The following XKR4 variants were observed in gnomAD, a reference collection of about 807,000 sequenced individuals.
XKR4 encodes the protein XK related 4.
XKR4 carries 12 observed loss-of-function variants against 53.9 expected under a neutral mutation model. The ratio of observed to expected loss-of-function variants is 0.22; its 90% CI spans 0.14 to 0.36. The LOEUF (loss-of-function observed/expected upper bound fraction) is 0.36. Among genes scored for constraint, XKR4 ranks in the 10% least tolerant of loss-of-function variants. XKR4 has a pLI of 1.00. For synonymous variants in XKR4, 354 were observed against 362.4 expected, an observed-to-expected ratio of 0.98 and a Z score of 0.26; for missense variants, 799 against 859.5, an observed-to-expected ratio of 0.93 and a Z score of 0.88.
Position 55,528,494 on chromosome 8 carries a change from GA to G in XKR4, c.*4268del, listed in dbSNP as rs1394727571. The G allele has an allele frequency of 6.6e-6, 1 of 152,164 alleles. No individual in the cohort carries two copies. The highest frequency in any genetic ancestry group is 1.5e-5 in the Non-Finnish European group (1 of 68,022). The allele number at this position is 152,164 out of a possible 1,614,324, so 9.4% of individuals were successfully genotyped here. ...ATTTTTTCTAATGAACCATTTTCTA[GA>G]CTAAATATATGCTCCCTTGCATTTT... is the stretch of plus-strand genomic sequence containing the variant. On this transcript the variant is annotated 3_prime_UTR_variant, in exon 3 of 3. Coordinates refer to ENST00000327381, the MANE Select transcript of XKR4 (RefSeq NM_052898.2).
intron 2 of XKR4, among the ~76,000 whole-genome samples, chr8:55,507,501 C>T (rs1806556511): frequency 6.6e-6 from 1 of 152,124 alleles, no homozygotes; most frequent in Non-Finnish European, 1.5e-5. Context: ...TCCCTAACCC[C>T]TCCCCGCACC....
At chr8:55,193,890 ACTCTGCC>A (rs1817474525) in intron 1 of XKR4, among the ~76,000 whole-genome samples, 1 of 151,956 alleles carries the variant, frequency 6.6e-6, no homozygotes, top group African/African-American at 2.4e-5. Context: ...CTACCAGGCC[ACTCTGCC>A]CTCCTGCCTC....
intron 1 of XKR4, among the ~76,000 whole-genome samples, chr8:55,185,598 A>G (rs1379474531): frequency 2.0e-5 from 3 of 152,204 alleles, no homozygotes; most frequent in Non-Finnish European, 1.5e-5. Flanking sequence ...TATGAAAAGC[A>G]GTTGTAAATA....
chr8:55,177,929 A>G (rs1457309205), intron 1 of XKR4, among the ~76,000 whole-genome samples: 1 of 152,154 alleles, frequency 6.6e-6, no homozygotes, highest in Non-Finnish European at 1.5e-5. Context: ...CCAAGGATCA[A>G]TGTCCTGCCA....
At chr8:55,470,762 G>C (rs1014458726) in intron 2 of XKR4, among the ~76,000 whole-genome samples, 3 of 152,030 alleles carry the variant, frequency 2.0e-5, no homozygotes, top group African/African-American at 7.3e-5. Flanking sequence ...ATAATTTATG[G>C]ATCCTTCCTA....
chr8:55,371,432 T>G (rs1804068669), intron 2 of XKR4, among the ~76,000 whole-genome samples: 1 of 152,156 alleles, frequency 6.6e-6, no homozygotes. Context: ...ATATATACTT[T>G]TAAAGTACCA....
rs191939050 is a variant in XKR4, at chr8:55,429,237, C to T, written c.1006+71360C>T. Among the ~76,000 whole-genome samples the T allele has an allele frequency of 7.2e-3, 1,103 of 152,240 alleles. 9 individuals carry two copies. The highest frequency in any genetic ancestry group is 0.011 in the Non-Finnish European group (772 of 68,014). On this transcript the variant is annotated intron_variant, in intron 2 of 2. Coordinates refer to ENST00000327381, the MANE Select transcript of XKR4 (RefSeq NM_052898.2). ...ATTCATAGGCAATAACAAACAAAAA[C>T]CTTCAGCCTAAATCTCACTTCTTAT...
chr8:55,141,859 G>C (rs1816708174), intron 1 of XKR4, among the ~76,000 whole-genome samples: 1 of 152,082 alleles, frequency 6.6e-6, no homozygotes, highest in Non-Finnish European at 1.5e-5. Context: ...GCAGCTCTAA[G>C]GGGCATAGAG....
rs753158816 is a variant in XKR4, at chr8:55,102,929, C to T, written c.441C>T (p.Leu147=). The T allele has an allele frequency of 5.6e-6, 9 of 1,611,664 alleles. No individual in the cohort carries two copies. The highest frequency in any genetic ancestry group is 1.7e-5 in the Admixed American group (1 of 60,000). ...YLRGQRWWFG[L]TLFFVVLGSL... is the part of the protein sequence containing the mutation. ...GCGGCCAGCGCTGGTGGTTCGGGCT[C>T]ACGCTCTTCTTCGTGGTGCTCGGCT... Residue 147 remains leucine, a synonymous_variant, in exon 1 of 3, where the codon CTC becomes CTT. Coordinates refer to ENST00000327381, the MANE Select transcript of XKR4 (RefSeq NM_052898.2). This position sits in a 1 kb window ranked among gnomAD's most constrained non-coding sequence, Gnocchi z 5.1.
At chr8:55,279,410 T>A (rs1818806310) in intron 1 of XKR4, among the ~76,000 whole-genome samples, 1 of 152,212 alleles carries the variant, frequency 6.6e-6, no homozygotes, top group East Asian at 1.9e-4. Context: ...GGCTCCACTC[T>A]CGGCTTGGCA....
At chr8:55,432,907 G>C (rs1805122495) in intron 2 of XKR4, among the ~76,000 whole-genome samples, 1 of 152,170 alleles carries the variant, frequency 6.6e-6, no homozygotes, top group African/African-American at 2.4e-5. Context: ...GCCACCAAAG[G>C]CCTTTCTGAG....
intron 2 of XKR4, among the ~76,000 whole-genome samples, chr8:55,390,737 C>T (rs1234373630): frequency 3.3e-5 from 5 of 152,214 alleles, no homozygotes; most frequent in Non-Finnish European, 7.3e-5. Flanking sequence ...CCCTGAATCA[C>T]CTGGCACTGG....
At chr8:55,462,484 T>C (rs1009797937) in intron 2 of XKR4, among the ~76,000 whole-genome samples, 4 of 152,208 alleles carry the variant, frequency 2.6e-5, no homozygotes, top group African/African-American at 9.6e-5. Flanking sequence ...GCATTAAACA[T>C]GGAAAGGAAC....
intron 1 of XKR4, among the ~76,000 whole-genome samples, chr8:55,274,923 G>T (rs866886947): frequency 2.0e-5 from 3 of 152,120 alleles, no homozygotes; most frequent in Non-Finnish European, 2.9e-5. Context: ...AGTCAAGCAG[G>T]CTCCTTTATC....
intron 2 of XKR4, among the ~76,000 whole-genome samples, chr8:55,387,044 G>A (rs186813555): frequency 3.7e-4 from 56 of 152,242 alleles, no homozygotes; most frequent in African/African-American, 1.2e-3. Context: ...GGCTCTCTTT[G>A]TCTCTTTCCC....
At chr8:55,231,032 C>T (rs919634058) in intron 1 of XKR4, among the ~76,000 whole-genome samples, 2 of 152,136 alleles carry the variant, frequency 1.3e-5, no homozygotes, top group African/African-American at 4.8e-5. Context: ...TCTCTTTGGG[C>T]CTTTCCTTCC....
Position 55,527,027 on chromosome 8 carries a change from G to T in XKR4, c.*2800G>T, listed in dbSNP as rs1483603676. On this transcript the variant is annotated 3_prime_UTR_variant, in exon 3 of 3. Coordinates refer to ENST00000327381, the MANE Select transcript of XKR4 (RefSeq NM_052898.2). ...TGTGATGAATTACAACCTTTCAAAA[G>T]ATTACAAGAGCAAAACAAGAGATAA... 2 of 152,118 alleles carry T rather than the reference G, an allele frequency of 1.3e-5. No individual in the cohort carries two copies. The highest frequency in any genetic ancestry group is 2.4e-5 in the African/African-American group (1 of 41,430). The allele number at this position is 152,118 out of a possible 1,614,324, so 9.4% of individuals were successfully genotyped here. A position where few individuals can be genotyped will look rare whatever the true frequency, so the allele number is the denominator to read the frequency against.
intron 1 of XKR4, among the ~76,000 whole-genome samples, chr8:55,219,439 C>A (rs1050397486): frequency 1.3e-5 from 2 of 152,020 alleles, no homozygotes; most frequent in African/African-American, 4.8e-5. Flanking sequence ...TGGGGTGGGG[C>A]GGGGGAAGTG....
chr8:55,153,856 G>A (rs1057243813), intron 1 of XKR4, among the ~76,000 whole-genome samples: 1 of 152,214 alleles, frequency 6.6e-6, no homozygotes, highest in Non-Finnish European at 1.5e-5. Flanking sequence ...AAGAAAGCAA[G>A]ACTTGTTAAT....
Sources: gnomAD v4.1 joint callset for allele counts (sites outside exome capture counted in the v4.1 genomes callset) on GRCh38, gnomAD v4.1.1 for gene constraint, Gnocchi (gnomAD v3.1) non-coding constraint, MANE v1.5 for transcripts, NCBI Gene and HGNC (gene_info 2026-07-23, HGNC 2026-07-21) for gene names.